PCMT1: variants seen among roughly 807,000 people sequenced by gnomAD.
PCMT1 encodes the protein protein-L-isoaspartate(D-aspartate) O-methyltransferase.
PCMT1 carries 9 observed loss-of-function variants against 29.2 expected under a neutral mutation model. The observed-to-expected ratio is 0.31, with a 90% CI of 0.19 to 0.54. PCMT1 has a LOEUF of 0.54. Ranked by LOEUF, PCMT1 falls within the 20% of genes least tolerant of loss-of-function variation. The pLI is 0.95. For synonymous variants in PCMT1, 98 were observed against 97.5 expected, an observed-to-expected ratio of 1.00 and a Z score of -0.03; for missense variants, 184 against 282.2, an observed-to-expected ratio of 0.65 and a Z score of 2.49.
intron 1 of PCMT1, among the ~76,000 whole-genome samples, chr6:149,752,401 G>C (rs1786359016): frequency 2.0e-5 from 3 of 152,070 alleles, no homozygotes; most frequent in African/African-American, 7.2e-5. Context: ...GTTTCACTAT[G>C]TTGGCCAGGC....
chr6:149,773,703 A>G (rs1787435364), intron 3 of PCMT1, among the ~76,000 whole-genome samples: 1 of 152,176 alleles, frequency 6.6e-6, no homozygotes, highest in Non-Finnish European at 1.5e-5. Flanking sequence ...TAAGGTAGAA[A>G]CTGGCATATT....
At chr6:149,768,094 T>G (rs572276759) in intron 1 of PCMT1, among the ~76,000 whole-genome samples, 1 of 149,810 alleles carries the variant, frequency 6.7e-6, no homozygotes, top group South Asian at 2.1e-4. Flanking sequence ...ATGCCCGACC[T>G]GTTTGTTTGT....
chr6:149,805,762 T>C (rs920954750), intron 7 of PCMT1, among the ~76,000 whole-genome samples: 8 of 149,282 alleles, frequency 5.4e-5, no homozygotes, highest in South Asian at 4.2e-4. Flanking sequence ...ATGGTGAAAC[T>C]CCATCTCTAC....
At chr6:149,787,243 G>A (rs1230591515) in intron 3 of PCMT1, among the ~76,000 whole-genome samples, 1 of 123,102 alleles carries the variant, frequency 8.1e-6, no homozygotes, top group South Asian at 2.8e-4. Flanking sequence ...GTCCAGCTTC[G>A]GCTCGGCATC....
Position 149,749,776 on chromosome 6 carries a change from G to C in PCMT1, c.-126G>C, listed in dbSNP as rs914094273. 6.5e-7 allele frequency: 1 copy of C among 1,549,414 alleles called. No individual in the cohort carries two copies. Among genetic ancestry groups the C allele is most frequent in the African/African-American group, 1.4e-5 (1 of 73,008 alleles). On this transcript the variant is annotated 5_prime_UTR_variant, in exon 1 of 8. Coordinates refer to ENST00000464889, the MANE Select transcript of PCMT1 (RefSeq NM_001360452.2). The stretch of plus-strand genomic sequence containing the variant: ...CAGCGGCGGCGACGGCAGTAACAGC[G>C]GCAGCTACAGCGGGGACGCGAGCGG...
At chr6:149,775,279 A>G (rs554522646) in intron 3 of PCMT1, among the ~76,000 whole-genome samples, 1 of 152,346 alleles carries the variant, frequency 6.6e-6, no homozygotes, top group Admixed American at 6.5e-5. Context: ...GCAGACATTT[A>G]TAAAAATTGA....
chr6:149,773,792 T>C (rs971764746), intron 3 of PCMT1, among the ~76,000 whole-genome samples: 1 of 152,188 alleles, frequency 6.6e-6, no homozygotes, highest in African/African-American at 2.4e-5. Context: ...AGTTAATTAA[T>C]GGAGATAATA....
At chr6:149,808,698 G>A (rs1189262364) in intron 7 of PCMT1, among the ~76,000 whole-genome samples, 4 of 151,830 alleles carry the variant, frequency 2.6e-5, no homozygotes, top group Non-Finnish European at 5.9e-5. Context: ...GTGCAGTGGC[G>A]TGATCTCAGC....
intron 1 of PCMT1, among the ~76,000 whole-genome samples, chr6:149,768,611 C>T (rs1040857818): frequency 2.0e-5 from 3 of 151,356 alleles, no homozygotes; most frequent in Admixed American, 6.6e-5. Flanking sequence ...CCACCATGCA[C>T]GGCTAGTTTT....
At chr6:149,802,616 TTTGTTTG>T in intron 7 of PCMT1, 200 bp downstream of exon 7, 2 of 492,232 alleles carry the variant, frequency 4.1e-6, no homozygotes, top group Non-Finnish European at 5.2e-6. Context: ...GCTTTTTTTG[TTTGTTTG>T]TTTGTTTTTT....
chr6:149,802,608 T>C (rs915359062), intron 7 of PCMT1, 192 bp downstream of exon 7: 2 of 693,814 alleles, frequency 2.9e-6, no homozygotes, highest in Non-Finnish European at 3.9e-6. Context: ...GCACAAAGGC[T>C]TTTTTTGTTT....
In PCMT1 at chr6:149,749,795, C is replaced by T. The variant is rs564771067; in HGVS notation, c.-107C>T. ...AACAGCGGCAGCTACAGCGGGGACG[C>T]GAGCGGGGCGGTGACGGTGTGGGAG... On this transcript the variant is annotated 5_prime_UTR_variant, in exon 1 of 8. Transcript: ENST00000464889. 2.3e-5 allele frequency: 36 copies of T among 1,551,656 alleles called. No homozygotes were observed. In the East Asian group the frequency reaches 8.1e-4, roughly 35 times the overall value.
upstream of PCMT1, chr6:149,749,734 G>A (rs1786215267): frequency 1.3e-6 from 2 of 1,545,004 alleles, no homozygotes; most frequent in Non-Finnish European, 1.7e-6. Flanking sequence ...GGGGATGCCG[G>A]GAGCGCGCAG....
Position 149,793,576 on chromosome 6 carries a change from A to C in PCMT1, c.325A>C (p.Ile109Leu), listed in dbSNP as rs763119699. 6 of 1,514,698 alleles carry C rather than the reference A, an allele frequency of 4.0e-6. No homozygotes were observed. Among genetic ancestry groups the C allele is most frequent in the Non-Finnish European group, 5.3e-6 (6 of 1,139,582 alleles). The allele number at this position is 1,514,698 out of a possible 1,614,324, so 93.8% of individuals were successfully genotyped here. A position where few individuals can be genotyped will look rare whatever the true frequency, so the allele number is the denominator to read the frequency against. The change falls in exon 5 of 8, where the codon ATT (isoleucine) becomes CTT (leucine). Residue 109 changes from isoleucine (I) to leucine (L), a missense_variant. Physicochemically the swap from Ile to Leu is conservative, Grantham distance 5. Coordinates refer to ENST00000464889, the MANE Select transcript of PCMT1 (RefSeq NM_001360452.2). ...TGGATGTACTGGAAAAGTCATAGGA[A>C]TTGATCACATTAAAGAGCTAGTAGA... Reference protein sequence around the residue: ...MVGCTGKVIGIDHIKELVDDS... With the variant: ...MVGCTGKVIGLDHIKELVDDS...
chr6:149,777,301 G>A (rs1411891150), intron 3 of PCMT1, among the ~76,000 whole-genome samples: 2 of 152,116 alleles, frequency 1.3e-5, no homozygotes, highest in Non-Finnish European at 2.9e-5. Flanking sequence ...ATTGAATATT[G>A]TACTGAAAGT....
Position 149,765,576 on chromosome 6 carries a change from T to C in PCMT1, c.56-5586T>C, listed in dbSNP as rs187186551. The stretch of plus-strand genomic sequence containing the variant: ...TCTCTATTTGATGTGCCTTTTTTGC[T>C]AATTTTAAAAAATATTCATTGTTAC... On this transcript the variant is annotated intron_variant, in intron 1 of 7. Coordinates refer to ENST00000464889, the MANE Select transcript of PCMT1 (RefSeq NM_001360452.2). The C allele has an allele frequency of 5.1e-3, 1,244 of 245,252 alleles. 10 individuals are homozygous for C. The highest frequency in any genetic ancestry group is 8.4e-3 in the Non-Finnish European group (1,068 of 127,510). The allele number at this position is 245,252 out of a possible 1,614,324, so 15.2% of individuals were successfully genotyped here. A position where few individuals can be genotyped will look rare whatever the true frequency, so the allele number is the denominator to read the frequency against.
At chr6:149,809,215 C>A (rs1251221889) in intron 7 of PCMT1, among the ~76,000 whole-genome samples, 1 of 125,678 alleles carries the variant, frequency 8.0e-6, no homozygotes, top group Non-Finnish European at 1.6e-5. Context: ...GCCATGATCA[C>A]ACCACTGCAC....
chr6:149,802,115 T>TGA, intron 6 of PCMT1, 85 bp from the exon 7 acceptor site: 2 of 973,164 alleles, frequency 2.1e-6, no homozygotes, highest in Non-Finnish European at 2.9e-6. Flanking sequence ...GGCGACAGAG[T>TGA]GAGACCCTGT....
intron 3 of PCMT1, among the ~76,000 whole-genome samples, chr6:149,787,005 G>A (rs28740897): frequency 0.36 from 31,637 of 88,150 alleles, 8,041 homozygotes; most frequent in East Asian, 0.77. Flanking sequence ...CACTGAGTGA[G>A]CGAGACTCTG....
Sources: allele counts gnomAD v4.1 joint callset (sites outside exome capture counted in the v4.1 genomes callset), GRCh38; gene constraint gnomAD v4.1.1; transcripts MANE v1.5; gene names NCBI Gene and HGNC (gene_info 2026-07-23, HGNC 2026-07-21).